The following MYCBP2 variants were observed in gnomAD, a reference collection of about 807,000 sequenced individuals.
The protein encoded by MYCBP2 is MYC binding protein 2.
MYCBP2 carries 120 observed loss-of-function variants against 525.3 expected under a neutral mutation model. That is an observed-to-expected ratio of 0.23 (90% confidence interval 0.20 to 0.27). MYCBP2 has a LOEUF of 0.27. Ranked by LOEUF, MYCBP2 falls within the 10% of genes least tolerant of loss-of-function variation. MYCBP2 has a pLI of 1.00. For synonymous variants in MYCBP2, 1,894 were observed against 1,955.8 expected, an observed-to-expected ratio of 0.97 and a Z score of 0.83; for missense variants, 4,149 against 5,657.1, an observed-to-expected ratio of 0.73 and a Z score of 8.55.
chr13:77,215,161 G>T (rs1381364447), intron 21 of MYCBP2, among the ~76,000 whole-genome samples: 1 of 152,082 alleles, frequency 6.6e-6, no homozygotes, highest in Non-Finnish European at 1.5e-5. Context: ...ACATGTAAAT[G>T]TTCTATATAT....
At chr13:77,295,001 A>G (rs1236890233) in intron 2 of MYCBP2, among the ~76,000 whole-genome samples, 1 of 152,196 alleles carries the variant, frequency 6.6e-6, no homozygotes, top group African/African-American at 2.4e-5. Context: ...TGCTATGACT[A>G]GTATAAGAGA....
In MYCBP2 at chr13:77,144,433, T is replaced by TA; in HGVS notation, c.7303+11dup. 6.3e-7 allele frequency: 1 copy of TA among 1,575,072 alleles called. No individual in the cohort carries two copies. The highest frequency in any genetic ancestry group is 1.3e-5 in the African/African-American group (1 of 74,160). On this transcript the variant is annotated intron_variant, in intron 49 of 82. Transcript: ENST00000544440. ...TGAAGTAAGTAGTAGCTCATGGCTTTAAAGAAAATACCGATTTCAATGCCA... is the reference window on the plus strand; with the variant it reads ...TGAAGTAAGTAGTAGCTCATGGCTTTAAAAGAAAATACCGATTTCAATGCCA...
At chr13:77,138,622 A>C (rs139940323) in intron 52 of MYCBP2, among the ~76,000 whole-genome samples, 1 of 152,324 alleles carries the variant, frequency 6.6e-6, no homozygotes, top group African/African-American at 2.4e-5. Flanking sequence ...TCTTGTGAAC[A>C]CTGGCTCTAT....
chr13:77,143,389 T>C (rs2054997385), intron 49 of MYCBP2, among the ~76,000 whole-genome samples: 1 of 152,158 alleles, frequency 6.6e-6, no homozygotes, highest in Non-Finnish European at 1.5e-5. Context: ...TTTTTGGAGC[T>C]TGGATAAACA....
At chr13:77,116,210 G>T (rs1322725606) in intron 55 of MYCBP2, among the ~76,000 whole-genome samples, 2 of 151,912 alleles carry the variant, frequency 1.3e-5, no homozygotes, top group Admixed American at 1.3e-4. Context: ...ACAAAGTTGA[G>T]TAAATATGGT....
At chr13:77,108,889 G>A (rs1344747040) in intron 55 of MYCBP2, among the ~76,000 whole-genome samples, 1 of 151,982 alleles carries the variant, frequency 6.6e-6, no homozygotes, top group Non-Finnish European at 1.5e-5. Context: ...ATTTTTAGTA[G>A]AGACGGGGTT....
chr13:77,310,911 A>G (rs2080118800), intron 1 of MYCBP2, among the ~76,000 whole-genome samples: 1 of 152,186 alleles, frequency 6.6e-6, no homozygotes, highest in Non-Finnish European at 1.5e-5. Context: ...CATAAACCCC[A>G]AAACAGCCTA....
At chr13:77,112,857 T>C (rs554425093) in intron 55 of MYCBP2, among the ~76,000 whole-genome samples, 2 of 152,332 alleles carry the variant, frequency 1.3e-5, no homozygotes, top group Admixed American at 6.5e-5. Context: ...ATACTTTTTT[T>C]TCCATTAACA....
At position 77,046,654 on chromosome 13, in the gene MYCBP2, T is replaced by C. The variant is rs190472011; in HGVS notation, c.13922-1161A>G. On this transcript the variant is annotated intron_variant, in intron 82 of 82. Transcript: ENST00000544440. ...ATCTAGAGGAATAAAAAGTAAGTTC[T>C]GTACAAGAGTAAGACCAAGACATTA... Among the ~76,000 whole-genome samples, 1,029 of 152,310 alleles carry C rather than the reference T, an allele frequency of 6.8e-3. 3 individuals carry two copies. Among genetic ancestry groups the C allele is most frequent in the Non-Finnish European group, 0.011 (761 of 68,020 alleles).
intron 43 of MYCBP2, 76 bp downstream of exon 43, chr13:77,164,378 A>G: frequency 1.1e-6 from 1 of 899,632 alleles, no homozygotes; most frequent in East Asian, 2.5e-5. Flanking sequence ...TTGCAAATCT[A>G]TTTTTGGCCC....
At chr13:77,291,513 G>C (rs1284371843) in intron 2 of MYCBP2, among the ~76,000 whole-genome samples, 1 of 152,236 alleles carries the variant, frequency 6.6e-6, no homozygotes, top group Non-Finnish European at 1.5e-5. Context: ...ACTCACGCCT[G>C]TAATCCCAGC....
intron 80 of MYCBP2, 137 bp from the exon 81 acceptor site, chr13:77,052,055 C>A: frequency 1.6e-6 from 1 of 642,876 alleles, no homozygotes; most frequent in Non-Finnish European, 2.8e-6. Flanking sequence ...CTTGAAATGC[C>A]AAGTGCATGC....
intron 32 of MYCBP2, among the ~76,000 whole-genome samples, chr13:77,183,198 T>C (rs2060377375): frequency 6.6e-6 from 1 of 152,234 alleles, no homozygotes; most frequent in Non-Finnish European, 1.5e-5. Context: ...TCTGTAATTT[T>C]TCCTTGTAGT....
At chr13:77,146,128 T>A (rs754305609) in intron 48 of MYCBP2, 34 bp downstream of exon 48, 4 of 1,440,046 alleles carry the variant, frequency 2.8e-6, no homozygotes, top group East Asian at 4.9e-5. Flanking sequence ...TGACAACACA[T>A]GTTTTGGTTA....
intron 26 of MYCBP2, among the ~76,000 whole-genome samples, chr13:77,198,993 T>C (rs2062086364): frequency 6.6e-6 from 1 of 152,250 alleles, no homozygotes; most frequent in South Asian, 2.1e-4. Flanking sequence ...AATTTTGATT[T>C]TTTTAATGAG....
At chr13:77,257,551 G>T in intron 14 of MYCBP2, 120 bp downstream of exon 14, 1 of 1,059,076 alleles carries the variant, frequency 9.4e-7, no homozygotes. Context: ...AATTTAAATA[G>T]GAACAAAAAG....
intron 73 of MYCBP2, among the ~76,000 whole-genome samples, chr13:77,064,137 G>A (rs2039811302): frequency 6.6e-6 from 1 of 152,092 alleles, no homozygotes; most frequent in African/African-American, 2.4e-5. Flanking sequence ...TTTCCACCCT[G>A]ACCCTGCCCT....
chr13:77,156,615 C>G (rs2057242737), intron 45 of MYCBP2, among the ~76,000 whole-genome samples: 1 of 152,186 alleles, frequency 6.6e-6, no homozygotes, highest in Non-Finnish European at 1.5e-5. Context: ...TCTGTAAAAG[C>G]AGGGGTAGAA....
In MYCBP2 at chr13:77,126,351, T is replaced by C; in HGVS notation, c.7851A>G (p.Leu2617=). 6.2e-7 allele frequency: 1 copy of C among 1,613,858 alleles called. No homozygotes were observed. ...CTGCTTTGACTTTGTTTCCCAGAAC[T>C]AACATTCCAATTGGGATACCTCTAA... ...PNLRGIPIGM[L]VLGNKVKAVG... Residue 2617 remains leucine, a synonymous_variant, in exon 53 of 83, where the codon TTA becomes TTG. Coordinates refer to ENST00000544440, the MANE Select transcript of MYCBP2 (RefSeq NM_015057.5).
Sources: gnomAD v4.1 joint callset for allele counts (sites outside exome capture counted in the v4.1 genomes callset) on GRCh38, gnomAD v4.1.1 for gene constraint, MANE v1.5 for transcripts, NCBI Gene and HGNC (gene_info 2026-07-23, HGNC 2026-07-21) for gene names.